The following SHMT1 variants were observed in gnomAD, a reference collection of about 807,000 sequenced individuals.
SHMT1 encodes the protein serine hydroxymethyltransferase 1, also known as serine hydroxymethyltransferase, cytosolic.
A neutral mutation model predicts 49.0 loss-of-function variants in SHMT1; 45 were observed. The ratio of observed to expected loss-of-function variants is 0.92; its 90% CI spans 0.72 to 1.18. The LOEUF (loss-of-function observed/expected upper bound fraction) is 1.18, where lower values mean the gene tolerates loss of function less well. Ranked by LOEUF, SHMT1 falls within the 50% of genes most tolerant of loss-of-function variation. SHMT1 has a pLI of 0.00. For synonymous variants in SHMT1, 232 were observed against 246.6 expected, an observed-to-expected ratio of 0.94 and a Z score of 0.55; for missense variants, 541 against 612.4, an observed-to-expected ratio of 0.88 and a Z score of 1.23.
intron 5 of SHMT1, among the ~76,000 whole-genome samples, chr17:18,342,302 C>A (rs1408956300): frequency 6.6e-6 from 1 of 152,100 alleles, no homozygotes; most frequent in East Asian, 1.9e-4. Flanking sequence ...CAGGCTCAGA[C>A]AGACAAATAC....
chr17:18,345,196 A>G (rs2151586972), intron 5 of SHMT1, among the ~76,000 whole-genome samples: 1 of 152,318 alleles, frequency 6.6e-6, no homozygotes, highest in Admixed American at 6.5e-5. Context: ...ACAGGACTGC[A>G]GCCTGCACAA....
intron 5 of SHMT1, among the ~76,000 whole-genome samples, chr17:18,344,894 T>C (rs1008404577): frequency 6.6e-6 from 1 of 152,120 alleles, no homozygotes; most frequent in Non-Finnish European, 1.5e-5. Flanking sequence ...GCTCTTGCAG[T>C]GGAGTGGGGC....
intron 9 of SHMT1, chr17:18,331,387 G>C (rs918706440): frequency 6.3e-6 from 1 of 158,062 alleles, no homozygotes. Context: ...TGTGGCTTTA[G>C]GCAGGCAGCT....
At chr17:18,342,545 C>A (rs1392360464) in intron 5 of SHMT1, among the ~76,000 whole-genome samples, 1 of 151,988 alleles carries the variant, frequency 6.6e-6, no homozygotes, top group Non-Finnish European at 1.5e-5. Context: ...AACTCCTGGA[C>A]TCAAGTGAGC....
chr17:18,344,322 CA>C (rs1984847830), intron 5 of SHMT1, among the ~76,000 whole-genome samples: 1 of 151,972 alleles, frequency 6.6e-6, no homozygotes, highest in Non-Finnish European at 1.5e-5. Context: ...CTGAATTTGG[CA>C]AAGAAACCGT....
Position 18,340,796 on chromosome 17 carries a change from GC to G in SHMT1, c.536del (p.Gly179AlafsTer19). ...SMPYKVNPDT[G>X]YINYDQLEEN... ...CCTCCAGCTGGTCATAGTTGATGTA[GC>G]CAGTATCTGGGTTCACCTGTGGAAT... On this transcript the variant is annotated frameshift_variant, in exon 6 of 12. Coordinates refer to ENST00000316694, the MANE Select transcript of SHMT1 (RefSeq NM_004169.5). LOFTEE classifies it high-confidence loss of function. This position sits in a 1 kb window ranked among gnomAD's most constrained non-coding sequence, Gnocchi z 4.5. 1 of 1,613,436 alleles carries G rather than the reference GC, an allele frequency of 6.2e-7. No individual in the cohort carries two copies. The highest frequency in any genetic ancestry group is 8.5e-7 in the Non-Finnish European group (1 of 1,179,752).
At position 18,333,158 on chromosome 17, in the gene SHMT1, G is replaced by A. The variant is rs760606352; in HGVS notation, c.1054+8C>T. On this transcript the variant is annotated splice_region_variant and intron_variant, in intron 9 of 11. Coordinates refer to ENST00000316694, the MANE Select transcript of SHMT1 (RefSeq NM_004169.5). ...AACAGGCCTGCTGAACACCATCTGT[G>A]TCTCTACCTGTGACTATTTTGTAGC... 2.5e-6 allele frequency: 4 copies of A among 1,613,966 alleles called. No individual in the cohort carries two copies. Among genetic ancestry groups the A allele is most frequent in the Middle Eastern group, 1.7e-4 (1 of 6,060 alleles).
At position 18,340,736 on chromosome 17, in the gene SHMT1, G is replaced by A. The variant is rs373880263; in HGVS notation, c.597C>T (p.Ile199=). 152 of 1,611,762 alleles carry A rather than the reference G, an allele frequency of 9.4e-5. No homozygotes were observed. The highest frequency in any genetic ancestry group is 1.2e-4 in the Non-Finnish European group (140 of 1,179,140). The change falls in exon 6 of 12, where the codon ATC becomes ATT. Residue 199 remains isoleucine (I), a synonymous_variant. Transcript: ENST00000316694. The surrounding 1 kb of genome is among the most constrained non-coding windows in gnomAD (Gnocchi z 4.5). ...ACTTTCCGCCCCGCGCATCACCTGC[G>A]ATGATCAGCTTCGGGTGGAAGAGGC... ...NARLFHPKLI[I]AGTSCYSRNL... is the part of the protein sequence containing the mutation.
At position 18,361,354 on chromosome 17, in the gene SHMT1, G is replaced by A. The variant is rs1262831021; in HGVS notation, c.-20+2018C>T. Among the ~76,000 whole-genome samples the A allele has an allele frequency of 2.0e-5, 3 of 149,836 alleles. No individual in the cohort carries two copies. In the South Asian group the frequency reaches 6.3e-4, roughly 32 times the overall value. On this transcript the variant is annotated intron_variant, in intron 1 of 11. Coordinates refer to ENST00000316694, the MANE Select transcript of SHMT1 (RefSeq NM_004169.5). ...TAGCCAGGCATGGTGGCATATGCCT[G>A]TAATCCCAGCTACTCAGCAGGCTGA...
chr17:18,344,850 A>C (rs549615904), intron 5 of SHMT1, among the ~76,000 whole-genome samples: 40 of 152,290 alleles, frequency 2.6e-4, no homozygotes, highest in African/African-American at 8.9e-4. Context: ...TAGAAGGTTA[A>C]TGTTGCTGTT....
intron 1 of SHMT1, among the ~76,000 whole-genome samples, chr17:18,361,006 C>T (rs1986706229): frequency 6.6e-6 from 1 of 151,998 alleles, no homozygotes; most frequent in Middle Eastern, 3.4e-3. Context: ...CCCATCTCTA[C>T]TAAAAATACA....
At chr17:18,347,780 C>A (rs28479066) in intron 4 of SHMT1, 124 bp from the exon 5 acceptor site, 4 of 1,019,666 alleles carry the variant, frequency 3.9e-6, no homozygotes, top group Non-Finnish European at 5.9e-6. Flanking sequence ...CTTCCCTGAG[C>A]TCCAGGAGGT....
intron 10 of SHMT1, 51 bp from the exon 11 acceptor site, chr17:18,329,439 T>TTA: frequency 7.2e-7 from 1 of 1,388,300 alleles, no homozygotes; most frequent in Non-Finnish European, 1.0e-6. Context: ...ACCACTGTGA[T>TTA]GGTGGTGCAT....
At chr17:18,329,418 G>C in intron 10 of SHMT1, 30 bp from the exon 11 acceptor site, 1 of 1,520,646 alleles carries the variant, frequency 6.6e-7, no homozygotes, top group African/African-American at 1.4e-5. Context: ...CTGTCCCTAA[G>C]TCACATTGTC....
intron 5 of SHMT1, among the ~76,000 whole-genome samples, chr17:18,345,384 A>G (rs1984977928): frequency 6.6e-6 from 1 of 151,922 alleles, no homozygotes; most frequent in South Asian, 2.1e-4. Flanking sequence ...CAGCCTCCTG[A>G]GTAGCTGGGA....
At chr17:18,346,427 T>C (rs1367204498) in intron 5 of SHMT1, among the ~76,000 whole-genome samples, 4 of 152,208 alleles carry the variant, frequency 2.6e-5, no homozygotes, top group Admixed American at 2.6e-4. Flanking sequence ...CAGGCATTTT[T>C]TGACCCAACT....
intron 7 of SHMT1, among the ~76,000 whole-genome samples, chr17:18,337,642 C>T (rs1187434310): frequency 6.7e-6 from 1 of 149,502 alleles, no homozygotes; most frequent in African/African-American, 2.4e-5. Flanking sequence ...GACTGTACTG[C>T]CGCCATCTCG....
intron 3 of SHMT1, among the ~76,000 whole-genome samples, chr17:18,351,414 G>A (rs1276279492): frequency 2.0e-5 from 3 of 151,722 alleles, no homozygotes; most frequent in African/African-American, 7.3e-5. Flanking sequence ...CTAAAGTGCT[G>A]GAATTACAGG....
rs146685424 is a variant in SHMT1 at position 18,351,166 on chromosome 17, G to A, written c.242+2506C>T. 8.5e-3 allele frequency among the ~76,000 whole-genome samples: 1,243 copies of A among 146,528 alleles called. 11 individuals are homozygous for A. The highest frequency in any genetic ancestry group is 0.042 in the Middle Eastern group (11 of 260). On this transcript the variant is annotated intron_variant, in intron 3 of 11. Transcript: ENST00000316694. ...TTTATTTTTATTATTTTTTTGAGAC[G>A]GAATCTCACTGTCACCCAGGCTGGA...
Sources: allele counts gnomAD v4.1 joint callset (sites outside exome capture counted in the v4.1 genomes callset), GRCh38; gene constraint gnomAD v4.1.1; non-coding constraint Gnocchi (gnomAD v3.1); transcripts MANE v1.5; gene names NCBI Gene and HGNC (gene_info 2026-07-23, HGNC 2026-07-21).